DOK5: variants seen among roughly 807,000 people sequenced by gnomAD.
DOK5 encodes docking protein 5, also known as downstream of tyrosine kinase 5.
DOK5 carries 27 observed loss-of-function variants against 43.3 expected under a neutral mutation model. That is an observed-to-expected ratio of 0.62 (90% CI 0.46 to 0.86). DOK5 has a LOEUF of 0.86. Ranked by LOEUF, DOK5 falls within the 40% of genes least tolerant of loss-of-function variation. DOK5 has a pLI of 0.00. For missense variants in DOK5, 373 were observed against 392.9 expected, an observed-to-expected ratio of 0.95 and a Z score of 0.43; for synonymous variants, 146 against 140.1, an observed-to-expected ratio of 1.04 and a Z score of -0.30.
At chr20:54,638,881 C>T (rs969142554) in intron 6 of DOK5, among the ~76,000 whole-genome samples, 4 of 151,530 alleles carry the variant, frequency 2.6e-5, no homozygotes, top group African/African-American at 9.7e-5. Context: ...GGAGTTTCAA[C>T]CATGTTGGCC....
At chr20:54,588,900 G>T in intron 4 of DOK5, 94 bp downstream of exon 4, 6 of 1,374,254 alleles carry the variant, frequency 4.4e-6, no homozygotes, top group Admixed American at 2.3e-5. Context: ...AAGTTTTTGG[G>T]GTATAAAAAT....
intron 2 of DOK5, among the ~76,000 whole-genome samples, chr20:54,578,608 C>T (rs73911978): frequency 0.026 from 4,023 of 152,184 alleles, 179 homozygotes; most frequent in African/African-American, 0.092. Flanking sequence ...ATTTACATAC[C>T]ATTTTTAATA....
intron 1 of DOK5, among the ~76,000 whole-genome samples, chr20:54,498,514 A>G (rs1180533411): frequency 6.6e-6 from 1 of 152,230 alleles, no homozygotes; most frequent in East Asian, 1.9e-4. Context: ...CTGTGGTCAG[A>G]TTGAGCAATT....
intron 5 of DOK5, among the ~76,000 whole-genome samples, chr20:54,600,361 C>G (rs965250396): frequency 3.3e-5 from 5 of 152,110 alleles, no homozygotes; most frequent in Non-Finnish European, 5.9e-5. Context: ...AGATGGCTCT[C>G]ACTTCTGACA....
intron 1 of DOK5, among the ~76,000 whole-genome samples, chr20:54,477,648 A>T (rs1246732833): frequency 8.2e-6 from 1 of 122,282 alleles, no homozygotes; most frequent in Non-Finnish European, 1.6e-5. Context: ...GAGTTAAGTT[A>T]AAAAAAAAAA....
chr20:54,585,186 G>C (rs1469155683), intron 2 of DOK5, among the ~76,000 whole-genome samples: 2 of 151,996 alleles, frequency 1.3e-5, no homozygotes, highest in African/African-American at 4.8e-5. Flanking sequence ...GTGTGCACAT[G>C]CCCACTAGGT....
intron 2 of DOK5, among the ~76,000 whole-genome samples, chr20:54,566,761 C>T (rs548937130): frequency 8.5e-5 from 13 of 152,234 alleles, no homozygotes; most frequent in Admixed American, 7.2e-4. Context: ...GGACTACAGG[C>T]ATGCACCACC....
intron 2 of DOK5, among the ~76,000 whole-genome samples, chr20:54,586,936 T>A (rs1258143614): frequency 6.6e-6 from 1 of 151,944 alleles, no homozygotes; most frequent in African/African-American, 2.4e-5. Flanking sequence ...GGATGCAGGC[T>A]TTTGTCCCAC....
At chr20:54,578,406 T>C (rs1985525064) in intron 2 of DOK5, among the ~76,000 whole-genome samples, 1 of 152,144 alleles carries the variant, frequency 6.6e-6, no homozygotes, top group African/African-American at 2.4e-5. Flanking sequence ...CTCTGGAACC[T>C]AAGCCTAAAT....
At chr20:54,520,205 C>A (rs1239247130) in intron 1 of DOK5, among the ~76,000 whole-genome samples, 1 of 152,168 alleles carries the variant, frequency 6.6e-6, no homozygotes, top group Admixed American at 6.6e-5. Flanking sequence ...CTTCCACTTG[C>A]TTAGGTTATC....
At chr20:54,572,972 T>G (rs1383763586) in intron 2 of DOK5, among the ~76,000 whole-genome samples, 1 of 152,200 alleles carries the variant, frequency 6.6e-6, no homozygotes, top group Non-Finnish European at 1.5e-5. Flanking sequence ...TAAAGCATGG[T>G]TTTTGGCAAT....
chr20:54,508,332 T>A (rs1982888821), intron 1 of DOK5, among the ~76,000 whole-genome samples: 1 of 151,696 alleles, frequency 6.6e-6, no homozygotes, highest in Non-Finnish European at 1.5e-5. Context: ...AATAAAAGTT[T>A]CATTATTTTT....
chr20:54,488,196 G>A (rs1982017723), intron 1 of DOK5, among the ~76,000 whole-genome samples: 4 of 152,182 alleles, frequency 2.6e-5, no homozygotes, highest in Non-Finnish European at 5.9e-5. Context: ...AAGTTATCAC[G>A]AACGTAGTCT....
At chr20:54,618,933 C>A (rs988092577) in intron 6 of DOK5, among the ~76,000 whole-genome samples, 1 of 148,972 alleles carries the variant, frequency 6.7e-6, no homozygotes, top group African/African-American at 2.5e-5. Context: ...GGGAGGATGA[C>A]TTGAGTCCAG....
chr20:54,589,116 C>T (rs1360419559), intron 4 of DOK5, among the ~76,000 whole-genome samples: 1 of 152,102 alleles, frequency 6.6e-6, no homozygotes, highest in Non-Finnish European at 1.5e-5. Context: ...TTCATAGCAG[C>T]CCTATGGTGT....
At chr20:54,619,522 G>T (rs1986918928) in intron 6 of DOK5, among the ~76,000 whole-genome samples, 1 of 152,206 alleles carries the variant, frequency 6.6e-6, no homozygotes, top group Non-Finnish European at 1.5e-5. Context: ...AAGAATGCCT[G>T]CTTTTAACAG....
intron 1 of DOK5, among the ~76,000 whole-genome samples, chr20:54,509,465 A>T (rs979966465): frequency 6.6e-6 from 1 of 152,204 alleles, no homozygotes; most frequent in Non-Finnish European, 1.5e-5. Context: ...AAATGCTGGG[A>T]TTATAGATCT....
chr20:54,581,138 T>G (rs575553381), intron 2 of DOK5, among the ~76,000 whole-genome samples: 94 of 152,256 alleles, frequency 6.2e-4, no homozygotes, highest in Non-Finnish European at 1.3e-4. Flanking sequence ...AGCCTATCAT[T>G]TTCCTGTTGT....
At chr20:54,637,934 A>C (rs866047794) in intron 6 of DOK5, among the ~76,000 whole-genome samples, 2 of 152,166 alleles carry the variant, frequency 1.3e-5, no homozygotes, top group Non-Finnish European at 2.9e-5. Context: ...CATCGTGGCT[A>C]ACACGGTGAA....
Sources: allele counts gnomAD v4.1 joint callset (sites outside exome capture counted in the v4.1 genomes callset), GRCh38; gene constraint gnomAD v4.1.1; transcripts MANE v1.5; gene names NCBI Gene and HGNC (gene_info 2026-07-23, HGNC 2026-07-21).